The following STARD4 variants were observed in gnomAD, a reference collection of about 807,000 sequenced individuals.
STARD4 encodes the protein StAR related lipid transfer domain containing 4, also known as stAR-related lipid transfer protein 4.
In STARD4, 33 loss-of-function variants were observed where a neutral mutation model predicts 24.9. The ratio of observed to expected loss-of-function variants is 1.32; its 90% CI spans 1.00 to 1.77. STARD4 has a LOEUF of 1.77. Ranked by LOEUF, STARD4 falls within the 40% of genes most tolerant of loss-of-function variation. The pLI, the probability that STARD4 is intolerant of heterozygous loss-of-function variation, is 0.00. For missense variants in STARD4, 238 were observed against 249.3 expected (o/e 0.95, Z 0.31); for synonymous variants, 88 against 77.4 (o/e 1.14, Z -0.72).
rs568042865 is a variant in STARD4 at position 111,507,611 on chromosome 5, GT to G, written c.-9-170del. Among the ~76,000 whole-genome samples, 31 of 152,208 alleles carry G rather than the reference GT, an allele frequency of 2.0e-4. No individual in the cohort carries two copies. Among genetic ancestry groups the G allele is most frequent in the African/African-American group, 7.0e-4 (29 of 41,540 alleles). On this transcript the variant is annotated intron_variant, in intron 1 of 5. Coordinates refer to ENST00000296632, the MANE Select transcript of STARD4 (RefSeq NM_139164.3). The surrounding 1 kb of genome is among the most constrained non-coding windows in gnomAD (Gnocchi z 4.4). ...TCTCTGAGAGTAGGACCCGGGCATAGTTTTTTTCTAATTGCTCCCAAGATGA... is the reference window on the plus strand; with the variant it reads ...TCTCTGAGAGTAGGACCCGGGCATAGTTTTTTCTAATTGCTCCCAAGATGA...
chr5:111,499,689 T>TAAA lies in STARD4; in HGVS notation c.*194_*196dup. On this transcript the variant is annotated 3_prime_UTR_variant, in exon 6 of 6. Coordinates refer to ENST00000296632, the MANE Select transcript of STARD4 (RefSeq NM_139164.3). ...CAGAGTGAGAGCCTGTCTCAAAATT[T>TAAA]AAAAAAAAAAAAGTGAAAATGCCCT... is the stretch of plus-strand genomic sequence containing the variant. 2 of 464,556 alleles carry TAAA rather than the reference T, an allele frequency of 4.3e-6. No homozygotes were observed. Among genetic ancestry groups the TAAA allele is most frequent in the South Asian group, 2.8e-5 (1 of 36,008 alleles). The allele number at this position is 464,556 out of a possible 1,614,324, so 28.8% of individuals were successfully genotyped here. A position where few individuals can be genotyped will look rare whatever the true frequency, so the allele number is the denominator to read the frequency against.
chr5:111,502,510 T>C (rs114068863), intron 3 of STARD4, among the ~76,000 whole-genome samples: 6,180 of 150,206 alleles, frequency 0.041, 398 homozygotes, highest in African/African-American at 0.14. Flanking sequence ...TAGTGAAGGG[T>C]GGGCCAGGCA....
At chr5:111,505,901 G>A (rs79363344) in intron 3 of STARD4, among the ~76,000 whole-genome samples, 7,029 of 151,882 alleles carry the variant, frequency 0.046, 529 homozygotes, top group African/African-American at 0.16. Context: ...TTTGCTTTCC[G>A]GAAAGTTAAA....
chr5:111,504,770 T>C (rs530509044), intron 3 of STARD4, among the ~76,000 whole-genome samples: 1 of 152,360 alleles, frequency 6.6e-6, no homozygotes, highest in South Asian at 2.1e-4. Context: ...TAGATTCAAC[T>C]ATGGCTCTTC....
chr5:111,505,594 T>C lies in STARD4; in HGVS notation c.155+736A>G, dbSNP rs114419405. On this transcript the variant is annotated intron_variant, in intron 3 of 5. Coordinates refer to ENST00000296632, the MANE Select transcript of STARD4 (RefSeq NM_139164.3). ...TCTATCACAAATGTTTCCTACTGAA[T>C]TGTCTCCTCCTATTGATTATTCAGG... Among the ~76,000 whole-genome samples, 895 of 152,308 alleles carry C rather than the reference T, an allele frequency of 5.9e-3. 10 individuals carry two copies. The highest frequency in any genetic ancestry group is 0.02 in the African/African-American group (852 of 41,570).
chr5:111,506,193 CAAAAAAAA>C (rs878865342), intron 3 of STARD4, 129 bp downstream of exon 3: 2 of 81,298 alleles, frequency 2.5e-5, no homozygotes, highest in African/African-American at 6.0e-5. Context: ...GACTCTGTCT[CAAAAAAAA>C]AAAAAAAAAA....
chr5:111,511,005 T>G (rs1300270645), intron 1 of STARD4, among the ~76,000 whole-genome samples: 2 of 152,204 alleles, frequency 1.3e-5, no homozygotes, highest in Non-Finnish European at 2.9e-5. Flanking sequence ...GTCAACAGCT[T>G]CAGTTTAACA....
At position 111,501,880 on chromosome 5, in the gene STARD4, C is replaced by T. The variant is rs968395895; in HGVS notation, c.282+82G>A. On this transcript the variant is annotated intron_variant, in intron 4 of 5. Transcript: ENST00000296632. ...CAATGAATATAAGTGTGTACAAATG[C>T]TCATGCTCACATGCTCTGGCTCACT... is the stretch of plus-strand genomic sequence containing the variant. The T allele has an allele frequency of 1.4e-5, 22 of 1,559,902 alleles. 1 individual carries two copies. In the East Asian group the frequency reaches 4.5e-4, roughly 32 times the overall value.
rs1756236765 is a variant in STARD4 at position 111,498,726 on chromosome 5, A to G, written c.*1160T>C. The G allele has an allele frequency of 6.6e-6, 1 of 152,172 alleles. No individual in the cohort carries two copies. The highest frequency in any genetic ancestry group is 1.5e-5 in the Non-Finnish European group (1 of 68,010). 9.4% of individuals were successfully genotyped at this position (152,172 alleles called of 1,614,324 possible). On this transcript the variant is annotated 3_prime_UTR_variant, in exon 6 of 6. Transcript: ENST00000296632. ...TCAGATCTTGATCAATCTAGATACT[A>G]TGAGATAATTCACCATGAACATTGT...
rs557186167 is a variant in STARD4, at chr5:111,505,059, C to A, written c.155+1271G>T. On this transcript the variant is annotated intron_variant, in intron 3 of 5. Transcript: ENST00000296632. ...CTTTAAGACTCTGAAAAAAAAAAAACCAGTGTTTCTCATATGTGTTTATGC... is the reference window on the plus strand; with the variant it reads ...CTTTAAGACTCTGAAAAAAAAAAAAACAGTGTTTCTCATATGTGTTTATGC... 235 of 447,438 alleles carry A rather than the reference C, an allele frequency of 5.3e-4. 1 individual carries two copies. The highest frequency in any genetic ancestry group is 9.0e-4 in the Non-Finnish European group (201 of 223,944). The allele number at this position is 447,438 out of a possible 1,614,324, so 27.7% of individuals were successfully genotyped here. A position where few individuals can be genotyped will look rare whatever the true frequency, so the allele number is the denominator to read the frequency against.
In STARD4 at chr5:111,499,672, G is replaced by C. The variant is rs1001772245; in HGVS notation, c.*214C>G. 3 of 547,606 alleles carry C rather than the reference G, an allele frequency of 5.5e-6. No individual in the cohort carries two copies. Among genetic ancestry groups the C allele is most frequent in the Admixed American group, 3.2e-5 (1 of 31,074 alleles). The allele number at this position is 547,606 out of a possible 1,614,324, so 33.9% of individuals were successfully genotyped here. A position where few individuals can be genotyped will look rare whatever the true frequency, so the allele number is the denominator to read the frequency against. ...CCCTCCAGCATGGGCAACAGAGTGA[G>C]AGCCTGTCTCAAAATTTAAAAAAAA... On this transcript the variant is annotated 3_prime_UTR_variant, in exon 6 of 6. Coordinates refer to ENST00000296632, the MANE Select transcript of STARD4 (RefSeq NM_139164.3).
chr5:111,502,288 G>A (rs961469565), intron 3 of STARD4, among the ~76,000 whole-genome samples, 200 bp from the exon 4 acceptor site: 1 of 151,508 alleles, frequency 6.6e-6, no homozygotes, highest in Non-Finnish European at 1.5e-5. Flanking sequence ...GGCCAACGTG[G>A]CAAAAACCTG....
Position 111,498,659 on chromosome 5 carries a change from A to G in STARD4, c.*1227T>C, listed in dbSNP as rs1289704733. On this transcript the variant is annotated 3_prime_UTR_variant, in exon 6 of 6. Coordinates refer to ENST00000296632, the MANE Select transcript of STARD4 (RefSeq NM_139164.3). ...ATTTAGAAAAGGATCCTGGTAATTA[A>G]TAAATCATTAAGAATATAGAATCCT... is the stretch of plus-strand genomic sequence containing the variant. 1 of 152,180 alleles carries G rather than the reference A, an allele frequency of 6.6e-6. No homozygotes were observed. Among genetic ancestry groups the G allele is most frequent in the Non-Finnish European group, 1.5e-5 (1 of 68,006 alleles). The allele number at this position is 152,180 out of a possible 1,614,324, so 9.4% of individuals were successfully genotyped here.
At position 111,507,548 on chromosome 5, in the gene STARD4, A is replaced by G. The variant is rs987086995; in HGVS notation, c.-9-106T>C. ...AATATAATAACCTACCAGAGCTATAAAAGATAGCTACCCTCACCCCAAATC... is the reference window on the plus strand; with the variant it reads ...AATATAATAACCTACCAGAGCTATAGAAGATAGCTACCCTCACCCCAAATC... On this transcript the variant is annotated intron_variant, in intron 1 of 5. Coordinates refer to ENST00000296632, the MANE Select transcript of STARD4 (RefSeq NM_139164.3). This position sits in a 1 kb window ranked among gnomAD's most constrained non-coding sequence, Gnocchi z 4.4. 9 of 725,982 alleles carry G rather than the reference A, an allele frequency of 1.2e-5. No homozygotes were observed. The African/African-American group carries it at 1.4e-4, about 12-fold the overall frequency. 45.0% of individuals were successfully genotyped at this position (725,982 alleles called of 1,614,324 possible).
At position 111,497,446 on chromosome 5, in the gene STARD4, A is replaced by C. The variant is rs1161378245; in HGVS notation, c.*2440T>G. On this transcript the variant is annotated 3_prime_UTR_variant, in exon 6 of 6. Transcript: ENST00000296632. The stretch of plus-strand genomic sequence containing the variant: ...ATTCAATACAGTATCCACTGGCCTC[A>C]TGTGGCTAATGAGCACTTAAAATGT... The C allele has an allele frequency of 6.6e-6, 1 of 152,052 alleles. No homozygotes were observed. The highest frequency in any genetic ancestry group is 1.5e-5 in the Non-Finnish European group (1 of 67,906). The allele number at this position is 152,052 out of a possible 1,614,324, so 9.4% of individuals were successfully genotyped here. A position where few individuals can be genotyped will look rare whatever the true frequency, so the allele number is the denominator to read the frequency against.
chr5:111,501,238 T>A, intron 4 of STARD4, 122 bp from the exon 5 acceptor site: 2 of 1,068,000 alleles, frequency 1.9e-6, no homozygotes, highest in South Asian at 2.1e-5. Flanking sequence ...ATTATAATAA[T>A]TCTTACACTG....
chr5:111,506,073 A>G (rs531882292), intron 3 of STARD4: 1 of 211,600 alleles, frequency 4.7e-6, no homozygotes, highest in Non-Finnish European at 9.3e-6. Flanking sequence ...AGGTGCCTGT[A>G]ATCCGAGCTA....
chr5:111,505,871 C>A (rs1756814850), intron 3 of STARD4, among the ~76,000 whole-genome samples: 1 of 151,984 alleles, frequency 6.6e-6, no homozygotes, highest in South Asian at 2.1e-4. Context: ...ATTTTTAAGG[C>A]TCTGAATTCA....
intron 1 of STARD4, chr5:111,512,126 C>A (rs929475616): frequency 6.6e-6 from 1 of 152,304 alleles, no homozygotes; most frequent in Non-Finnish European, 1.5e-5. Flanking sequence ...AGGTGAGCGG[C>A]GCGCAGGGGC....
Sources: gnomAD v4.1 joint callset for allele counts (sites outside exome capture counted in the v4.1 genomes callset) on GRCh38, gnomAD v4.1.1 for gene constraint, Gnocchi (gnomAD v3.1) non-coding constraint, MANE v1.5 for transcripts, NCBI Gene and HGNC (gene_info 2026-07-23, HGNC 2026-07-21) for gene names.